Variants in SURF6 observed in about 807,000 individuals in gnomAD.
The protein encoded by SURF6 is surfeit locus protein 6.
In SURF6, 28 loss-of-function variants were observed where a neutral mutation model predicts 37.5. That is an observed-to-expected ratio of 0.75 (90% confidence interval 0.55 to 1.02). SURF6 has a LOEUF of 1.02. Among genes scored for constraint, SURF6 ranks in the 50% least tolerant of loss-of-function variants. SURF6 has a pLI of 0.00. For missense variants in SURF6, 560 were observed against 490.5 expected, an observed-to-expected ratio of 1.14 and a Z score of -1.34; for synonymous variants, 248 against 210.9, an observed-to-expected ratio of 1.18 and a Z score of -1.52.
Position 133,329,433 on chromosome 9 carries a change from G to C in SURF6, c.*2436C>G, listed in dbSNP as rs2129902575. ...CCCTTTCCCGGTCTGCTAAGTAGCG[G>C]GTGTTGTTCCTTGATACTTTTTGCT... On this transcript the variant is annotated 3_prime_UTR_variant, in exon 5 of 5. Coordinates refer to ENST00000372022, the MANE Select transcript of SURF6 (RefSeq NM_006753.6). 3.5e-6 allele frequency: 1 copy of C among 287,974 alleles called. No homozygotes were observed. Among genetic ancestry groups the C allele is most frequent in the South Asian group, 2.9e-5 (1 of 34,738 alleles). 17.8% of individuals were successfully genotyped at this position (287,974 alleles called of 1,614,324 possible).
rs2129909096 is a variant in SURF6 at position 133,331,200 on chromosome 9, T to C, written c.*669A>G. ...TTTCTTTCTCTTTCCCTAGGTCCAA[T>C]GCACTTGACCCAACTCACATGCGTG... On this transcript the variant is annotated 3_prime_UTR_variant, in exon 5 of 5. Transcript: ENST00000372022. 3 of 152,358 alleles carry C rather than the reference T, an allele frequency of 2.0e-5. No individual in the cohort carries two copies. In the South Asian group the frequency reaches 6.2e-4, roughly 32 times the overall value. The allele number at this position is 152,358 out of a possible 1,614,324, so 9.4% of individuals were successfully genotyped here. A position where few individuals can be genotyped will look rare whatever the true frequency, so the allele number is the denominator to read the frequency against.
Position 133,329,333 on chromosome 9 carries a change from C to G in SURF6, c.*2536G>C, listed in dbSNP as rs2129902163. On this transcript the variant is annotated 3_prime_UTR_variant, in exon 5 of 5. Transcript: ENST00000372022. ...GGCCTCCAGATAACTGCGGGCAGGC[C>G]TGCCGGATGTCAGGCCCTCCACAAG... 49 of 183,206 alleles carry G rather than the reference C, an allele frequency of 2.7e-4. 2 individuals carry two copies. In the East Asian group the frequency reaches 8.2e-3, roughly 30 times the overall value. 11.3% of individuals were successfully genotyped at this position (183,206 alleles called of 1,614,324 possible).
At position 133,331,898 on chromosome 9, in the gene SURF6, G is replaced by A; in HGVS notation, c.1057C>T (p.Gln353Ter). The A allele has an allele frequency of 6.5e-7, 1 of 1,528,608 alleles. No homozygotes were observed. Among genetic ancestry groups the A allele is most frequent in the Non-Finnish European group, 8.7e-7 (1 of 1,150,116 alleles). 94.7% of individuals were successfully genotyped at this position (1,528,608 alleles called of 1,614,324 possible). The change falls in exon 5 of 5, where the codon CAG (glutamine) becomes TAG (stop). Residue 353 changes from glutamine to a stop codon, truncating the protein, a stop_gained. Coordinates refer to ENST00000372022, the MANE Select transcript of SURF6 (RefSeq NM_006753.6). LOFTEE classifies it high-confidence loss of function. ...ACCAGGCCTGCGCGCTCCAGGTCCT[G>A]CGGCAGGATGCGGCCCTTCTTGCGG... ...RARKKGRILPQDLERAGLV is the reference protein window; with the variant it reads ...RARKKGRILP
In SURF6 at chr9:133,331,951, G is replaced by T; in HGVS notation, c.1004C>A (p.Ala335Asp). ...RRQNLRRKKA[A>D]RAERRLLRAR... is the part of the protein sequence containing the mutation. Reference sequence around the variant, plus strand: ...TCTGAGCAGGCGGCGCTCGGCGCGGGCCGCCTTCTTCCTGCGCAGGTTCTG... The same window carrying T: ...TCTGAGCAGGCGGCGCTCGGCGCGGTCCGCCTTCTTCCTGCGCAGGTTCTG... The change falls in exon 5 of 5, where the codon GCC becomes GAC. Residue 335 changes from alanine (A) to aspartate (D), a missense_variant. By Grantham distance (126) the Ala-to-Asp change is moderately radical (BLOSUM62 -2). Coordinates refer to ENST00000372022, the MANE Select transcript of SURF6 (RefSeq NM_006753.6). 6.3e-7 allele frequency: 1 copy of T among 1,592,792 alleles called. No homozygotes were observed. The highest frequency in any genetic ancestry group is 8.5e-7 in the Non-Finnish European group (1 of 1,176,750).
Position 133,332,231 on chromosome 9 carries a change from G to A in SURF6, c.724C>T (p.Arg242Cys), listed in dbSNP as rs1019883142. 2.5e-6 allele frequency: 4 copies of A among 1,605,922 alleles called. No individual in the cohort carries two copies. The highest frequency in any genetic ancestry group is 1.7e-5 in the Admixed American group (1 of 60,004). ...AGCCGGCTCTGCCGTGCCTGCAGGC[G>A]CTCCAGCAGCTGCCGGTAGTTCCTC... Reference protein sequence around the residue: ...TGRNYRQLLERLQARQSRLDE... With the variant: ...TGRNYRQLLECLQARQSRLDE... Residue 242 changes from arginine to cysteine, a missense_variant, in exon 5 of 5, where the codon CGC becomes TGC. Arg to Cys is a radical substitution (Grantham distance 180). Coordinates refer to ENST00000372022, the MANE Select transcript of SURF6 (RefSeq NM_006753.6).
intron 1 of SURF6, among the ~76,000 whole-genome samples, chr9:133,334,931 G>A (rs2129929517): frequency 6.6e-6 from 1 of 152,226 alleles, no homozygotes; most frequent in South Asian, 2.1e-4. Context: ...AATGGCAAGG[G>A]CTTTCATTTT....
rs1207350325 is a variant in SURF6 at position 133,329,198 on chromosome 9, T to C, written c.*2671A>G. ...TGCATATCAGAGACTTTTAGTACTT[T>C]CACTAATTTACTACTGCTATCTAGA... On this transcript the variant is annotated 3_prime_UTR_variant, in exon 5 of 5. Coordinates refer to ENST00000372022, the MANE Select transcript of SURF6 (RefSeq NM_006753.6). The C allele has an allele frequency of 6.5e-6, 1 of 152,996 alleles. No individual in the cohort carries two copies. Among genetic ancestry groups the C allele is most frequent in the African/African-American group, 2.4e-5 (1 of 41,456 alleles). 9.5% of individuals were successfully genotyped at this position (152,996 alleles called of 1,614,324 possible). A position where few individuals can be genotyped will look rare whatever the true frequency, so the allele number is the denominator to read the frequency against.
At chr9:133,332,983 G>T in intron 3 of SURF6, 1 of 594,494 alleles carries the variant, frequency 1.7e-6, no homozygotes, top group South Asian at 2.1e-5. Flanking sequence ...CCAATTCCCG[G>T]GTGCTTACCC....
rs1564335736 is a variant in SURF6, at chr9:133,336,184, C to T, written c.-52G>A. On this transcript the variant is annotated 5_prime_UTR_variant, in exon 1 of 5. Coordinates refer to ENST00000372022, the MANE Select transcript of SURF6 (RefSeq NM_006753.6). ...CACACCTTCCCCGCTGCGCGTGCGA[C>T]TCTCACCACCTCCGCCGGAAACCAC... 6.7e-7 allele frequency: 1 copy of T among 1,490,816 alleles called. No homozygotes were observed. The highest frequency in any genetic ancestry group is 2.4e-5 in the East Asian group (1 of 42,312). The allele number at this position is 1,490,816 out of a possible 1,614,324, so 92.3% of individuals were successfully genotyped here. A position where few individuals can be genotyped will look rare whatever the true frequency, so the allele number is the denominator to read the frequency against.
chr9:133,336,138 AGACCCG>A lies in SURF6; in HGVS notation c.-12_-7del. 1 of 1,610,256 alleles carries A rather than the reference AGACCCG, an allele frequency of 6.2e-7. No individual in the cohort carries two copies. On this transcript the variant is annotated 5_prime_UTR_variant, in exon 1 of 5. Transcript: ENST00000372022. ...TTGGCGAGTAGAGAGGCCATGGCGG[AGACCCG>A]GGCCGTTCACGACTCACACCTTCCC...
rs782060795 is a variant in SURF6 at position 133,332,595 on chromosome 9, C to T, written c.559G>A (p.Gly187Arg). Residue 187 changes from glycine to arginine, a missense_variant, in exon 4 of 5, where the codon GGG becomes AGG. By Grantham distance (125) the Gly-to-Arg change is moderately radical. Transcript: ENST00000372022. ...GGCTCCCGCGGCTCCGTGCAGGCCC[C>T]CTCTGGGGTTGCCTCCACCACCTCC... The part of the protein sequence containing the change: ...AQEVVEATPE[G>R]ACTEPREPPG... The T allele has an allele frequency of 1.9e-6, 3 of 1,610,140 alleles. No homozygotes were observed. Among genetic ancestry groups the T allele is most frequent in the Non-Finnish European group, 2.5e-6 (3 of 1,180,012 alleles).
At position 133,332,019 on chromosome 9, in the gene SURF6, G is replaced by A. The variant is rs2129913885; in HGVS notation, c.936C>T (p.Ala312=). The A allele has an allele frequency of 1.7e-5, 27 of 1,600,752 alleles. No homozygotes were observed. The Admixed American group carries it at 2.2e-4, about 13-fold the overall frequency. ...QRQRRWEKRT[A]GVVEKMQQRQ... is the part of the protein sequence containing the mutation. Reference sequence around the variant, plus strand: ...GCTGCTGCATCTTCTCCACCACGCCGGCCGTGCGCTTCTCCCACCGGCGCT... The same window carrying A: ...GCTGCTGCATCTTCTCCACCACGCCAGCCGTGCGCTTCTCCCACCGGCGCT... Residue 312 remains alanine, a synonymous_variant, in exon 5 of 5, where the codon GCC becomes GCT. Transcript: ENST00000372022.
In SURF6 at chr9:133,332,870, C is replaced by A. The variant is rs1015638717; in HGVS notation, c.394-110G>T. On this transcript the variant is annotated intron_variant, in intron 3 of 4. Transcript: ENST00000372022. ...TGGAAGGCAGGTGAGAAAATCCTCA[C>A]GCAAACAAGGGGCCCGCGGAGTTCA... The A allele has an allele frequency of 1.3e-5, 14 of 1,102,022 alleles. No individual in the cohort carries two copies. In the South Asian group the frequency reaches 1.9e-4, roughly 15 times the overall value. The allele number at this position is 1,102,022 out of a possible 1,614,324, so 68.3% of individuals were successfully genotyped here.
At position 133,336,166 on chromosome 9, in the gene SURF6, T is replaced by C; in HGVS notation, c.-34A>G. The C allele has an allele frequency of 3.2e-6, 5 of 1,569,766 alleles. No individual in the cohort carries two copies. The highest frequency in any genetic ancestry group is 1.7e-5 in the Admixed American group (1 of 58,502). On this transcript the variant is annotated 5_prime_UTR_variant, in exon 1 of 5. Coordinates refer to ENST00000372022, the MANE Select transcript of SURF6 (RefSeq NM_006753.6). ...CCCGGGCCGTTCACGACTCACACCT[T>C]CCCCGCTGCGCGTGCGACTCTCACC...
At chr9:133,335,931 A>T in intron 1 of SURF6, 108 bp downstream of exon 1, 1 of 842,482 alleles carries the variant, frequency 1.2e-6, no homozygotes, top group Non-Finnish European at 1.8e-6. Flanking sequence ...ATAATTTCAC[A>T]AGTCACTTAG....
In SURF6 at chr9:133,329,382, T is replaced by TA. The variant is rs1835664295; in HGVS notation, c.*2486dup. ...AGAGGTGGAAGAGCAGAGTCTTCTC[T>TA]AAACTCCTCCAGGGAAAGGGACACT... On this transcript the variant is annotated 3_prime_UTR_variant, in exon 5 of 5. Transcript: ENST00000372022. The TA allele has an allele frequency of 4.3e-6, 1 of 233,380 alleles. No individual in the cohort carries two copies. The highest frequency in any genetic ancestry group is 4.7e-5 in the South Asian group (1 of 21,190). The allele number at this position is 233,380 out of a possible 1,614,324, so 14.5% of individuals were successfully genotyped here. A position where few individuals can be genotyped will look rare whatever the true frequency, so the allele number is the denominator to read the frequency against.
intron 1 of SURF6, 25 bp from the exon 2 acceptor site, chr9:133,334,626 T>G (rs2129928603): frequency 1.2e-6 from 2 of 1,601,348 alleles, no homozygotes; most frequent in Non-Finnish European, 1.7e-6. Context: ...AAGAAAGAGT[T>G]AAGTCCCAAT....
intron 4 of SURF6, 53 bp downstream of exon 4, chr9:133,332,495 A>G (rs1835768775): frequency 1.3e-6 from 2 of 1,585,440 alleles, no homozygotes; most frequent in Non-Finnish European, 1.7e-6. Flanking sequence ...ACAAGGGGCA[A>G]CGCTGAGGCC....
intron 3 of SURF6, 130 bp downstream of exon 3, chr9:133,333,588 C>A: frequency 1.3e-6 from 1 of 774,434 alleles, no homozygotes; most frequent in Non-Finnish European, 2.2e-6. Context: ...TCTCCCAGAG[C>A]ACACCTGCTG....
Sources: gnomAD v4.1 joint callset for allele counts (sites outside exome capture counted in the v4.1 genomes callset) on GRCh38, gnomAD v4.1.1 for gene constraint, MANE v1.5 for transcripts, NCBI Gene and HGNC (gene_info 2026-07-23, HGNC 2026-07-21) for gene names.